The following ARIH2 variants were observed in gnomAD, a reference collection of about 807,000 sequenced individuals.
The protein encoded by ARIH2 is E3 ubiquitin-protein ligase ARIH2.
ARIH2 carries 12 observed loss-of-function variants against 79.8 expected under a neutral mutation model. The ratio of observed to expected loss-of-function variants is 0.15; its 90% CI spans 0.10 to 0.24. ARIH2 has a LOEUF of 0.24. Among genes scored for constraint, ARIH2 ranks in the 10% least tolerant of loss-of-function variants. The pLI, the probability that ARIH2 is intolerant of heterozygous loss-of-function variation, is 1.00. For missense variants in ARIH2, 301 were observed against 618.3 expected (o/e 0.49, Z 5.44); for synonymous variants, 224 against 213.9 (o/e 1.05, Z -0.41).
rs753506586 is a variant in ARIH2, at chr3:48,968,566, C to T, written c.571C>T (p.Arg191Cys). 5.0e-6 allele frequency: 8 copies of T among 1,611,070 alleles called. No individual in the cohort carries two copies. Among genetic ancestry groups the T allele is most frequent in the South Asian group, 1.1e-5 (1 of 91,054 alleles). The part of the protein sequence containing the change: ...VSCMAQDCPL[R>C]TPEDFVFPLL... ...TTGCATGGCTCAGGACTGTCCACTC[C>T]GTACACCAGAGGACTTTGTGTTTCC... Residue 191 changes from arginine (R) to cysteine (C), a missense_variant, in exon 7 of 16, where the codon CGT (arginine) becomes TGT (cysteine). Arg to Cys is a radical substitution (Grantham distance 180). Transcript: ENST00000356401.
chr3:48,952,589 A>G (rs190884048), intron 3 of ARIH2, among the ~76,000 whole-genome samples: 62 of 152,282 alleles, frequency 4.1e-4, no homozygotes, highest in South Asian at 1.0e-3. Context: ...AGGAAGAACT[A>G]GAGATTGGAC....
chr3:48,954,129 C>G (rs1307131706), intron 3 of ARIH2, among the ~76,000 whole-genome samples: 1 of 151,718 alleles, frequency 6.6e-6, no homozygotes, highest in Non-Finnish European at 1.5e-5. Context: ...CCATTGCATT[C>G]CAGCGTGGGG....
intron 3 of ARIH2, among the ~76,000 whole-genome samples, chr3:48,932,937 G>A (rs1247132004): frequency 2.0e-5 from 3 of 152,174 alleles, no homozygotes. Flanking sequence ...CAATGGGCAT[G>A]GGAGTGGGAG....
chr3:48,978,520 T>C (rs1324530492), intron 11 of ARIH2, among the ~76,000 whole-genome samples: 2 of 144,308 alleles, frequency 1.4e-5, no homozygotes, highest in African/African-American at 5.1e-5. Flanking sequence ...TGTTTCACCA[T>C]GTTGGCCAGG....
At chr3:48,978,482 TA>T (rs377384905) in intron 11 of ARIH2, among the ~76,000 whole-genome samples, 47,566 of 93,090 alleles carry the variant, frequency 0.51, 11,228 homozygotes, top group South Asian at 0.64. Flanking sequence ...TATATATATA[TA>T]TTTTTTTTTT....
intron 3 of ARIH2, among the ~76,000 whole-genome samples, chr3:48,954,824 T>C (rs2090394735): frequency 1.3e-5 from 2 of 152,242 alleles, no homozygotes; most frequent in Admixed American, 1.3e-4. Flanking sequence ...AGTAATTATC[T>C]TGAGACTCCT....
At chr3:48,923,682 C>A (rs1284041043) in intron 2 of ARIH2, among the ~76,000 whole-genome samples, 1 of 151,942 alleles carries the variant, frequency 6.6e-6, no homozygotes, top group East Asian at 1.9e-4. Context: ...CCACCACGCC[C>A]AGCTAATTTT....
intron 1 of ARIH2, 145 bp from the exon 2 acceptor site, chr3:48,922,603 G>A (rs2084969650): frequency 6.6e-6 from 1 of 151,308 alleles, no homozygotes; most frequent in South Asian, 2.1e-4. Flanking sequence ...TTTTTTGTTG[G>A]CACTTTAAAA....
chr3:48,983,028 G>A, intron 15 of ARIH2, 49 bp downstream of exon 15: 1 of 1,570,476 alleles, frequency 6.4e-7, no homozygotes, highest in Non-Finnish European at 8.8e-7. Flanking sequence ...TAGAGGACTG[G>A]CATGGTAATA....
chr3:48,977,519 G>C (rs1023596844), intron 11 of ARIH2, among the ~76,000 whole-genome samples: 2 of 152,002 alleles, frequency 1.3e-5, no homozygotes, highest in Non-Finnish European at 2.9e-5. Context: ...GTGCAGTGGT[G>C]CGATCTCGGC....
Position 48,941,029 on chromosome 3 carries a change from G to A in ARIH2, c.255+13216G>A, listed in dbSNP as rs904663699. Among the ~76,000 whole-genome samples the A allele has an allele frequency of 3.3e-5, 5 of 150,644 alleles. No individual in the cohort carries two copies. In the East Asian group the frequency reaches 5.9e-4, roughly 18 times the overall value. Reference sequence around the variant, plus strand: ...CTGAAAATACAAAAAAAAATTAGCCGGGCGTGGTAGCAGGTGGCTGTAGTC... The same window carrying A: ...CTGAAAATACAAAAAAAAATTAGCCAGGCGTGGTAGCAGGTGGCTGTAGTC... On this transcript the variant is annotated intron_variant, in intron 3 of 15. Coordinates refer to ENST00000356401, the MANE Select transcript of ARIH2 (RefSeq NM_006321.4).
intron 3 of ARIH2, among the ~76,000 whole-genome samples, chr3:48,946,943 C>A (rs1384048669): frequency 6.6e-6 from 1 of 152,234 alleles, no homozygotes; most frequent in Admixed American, 6.5e-5. Context: ...CCCTAGCTCC[C>A]GGTAAAATGA....
chr3:48,963,203 G>A (rs937301798), intron 4 of ARIH2, among the ~76,000 whole-genome samples: 1 of 152,102 alleles, frequency 6.6e-6, no homozygotes, highest in Non-Finnish European at 1.5e-5. Flanking sequence ...ACTCAAGAAC[G>A]GAATATATTT....
At chr3:48,942,903 A>G (rs1310005387) in intron 3 of ARIH2, among the ~76,000 whole-genome samples, 1 of 151,730 alleles carries the variant, frequency 6.6e-6, no homozygotes, top group Non-Finnish European at 1.5e-5. Context: ...TGCCCGCCCC[A>G]TCCTCCCAAA....
chr3:48,934,592 T>C (rs2086859494), intron 3 of ARIH2: 3 of 985,436 alleles, frequency 3.0e-6, no homozygotes, highest in Non-Finnish European at 3.6e-6. Flanking sequence ...TTAGGTTAAA[T>C]TCCTGCGTTT....
At chr3:48,946,384 C>G (rs962894540) in intron 3 of ARIH2, among the ~76,000 whole-genome samples, 22 of 151,600 alleles carry the variant, frequency 1.5e-4, no homozygotes, top group African/African-American at 5.1e-4. Flanking sequence ...GGGCCTGTGT[C>G]AGATAGTATT....
chr3:48,937,945 G>T (rs2087411984), intron 3 of ARIH2, among the ~76,000 whole-genome samples: 1 of 151,300 alleles, frequency 6.6e-6, no homozygotes, highest in South Asian at 2.1e-4. Context: ...TACTCCGGAG[G>T]CTGAGGCAGG....
chr3:48,978,465 G>GTGTATA (rs1251443781), intron 11 of ARIH2, among the ~76,000 whole-genome samples: 1 of 75,486 alleles, frequency 1.3e-5, no homozygotes, highest in African/African-American at 6.1e-5. Context: ...GTGTGTGTGT[G>GTGTATA]TATATATATA....
chr3:48,982,787 G>A (rs2092796877), intron 14 of ARIH2, 109 bp from the exon 15 acceptor site: 3 of 775,474 alleles, frequency 3.9e-6, no homozygotes, highest in Admixed American at 3.8e-5. Context: ...TATCAGGATT[G>A]TCTGTAGTTC....
Sources: gnomAD v4.1 joint callset for allele counts (sites outside exome capture counted in the v4.1 genomes callset) on GRCh38, gnomAD v4.1.1 for gene constraint, MANE v1.5 for transcripts, NCBI Gene and HGNC (gene_info 2026-07-23, HGNC 2026-07-21) for gene names.